The following TEX36 variants were observed in gnomAD, a reference collection of about 807,000 sequenced individuals.
TEX36 encodes the protein testis expressed 36.
In TEX36, 12 loss-of-function variants were observed where a neutral mutation model predicts 13.6. The observed-to-expected ratio is 0.88, with a 90% CI of 0.56 to 1.43. The LOEUF is 1.43. TEX36 is among the 40% of genes most tolerant of loss of function. The probability of loss-of-function intolerance (pLI) is 0.00; values close to 1 mark genes in which losing one functional copy is unlikely to be tolerated. For synonymous variants in TEX36, 93 were observed against 83.0 expected (o/e 1.12, Z -0.65); for missense variants, 224 against 228.3 (o/e 0.98, Z 0.12).
downstream of TEX36, among the ~76,000 whole-genome samples, chr10:125,617,893 G>T (rs1348014192): frequency 6.6e-6 from 1 of 151,718 alleles, no homozygotes; most frequent in Non-Finnish European, 1.5e-5. Context: ...TTCCAACTTG[G>T]TTCCATTCTC....
rs1026952256 is a variant in TEX36, at chr10:125,615,107, G to A, written c.265-38233C>T. Among the ~76,000 whole-genome samples, 43 of 152,272 alleles carry A rather than the reference G, an allele frequency of 2.8e-4. 1 individual carries two copies. The highest frequency in any genetic ancestry group is 1.0e-3 in the African/African-American group (43 of 41,556). On this transcript the variant is annotated intron_variant, in intron 3 of 3. Coordinates refer to the TEX36 transcript ENST00000532135. ...TTGTCTGTTGTTGGTGTATAAGAAT[G>A]CTTGTGATTTTTGTACATTGATTTT...
intron 1 of TEX36, among the ~76,000 whole-genome samples, chr10:125,679,395 T>C (rs1433108321): frequency 6.6e-6 from 1 of 152,088 alleles, no homozygotes; most frequent in Non-Finnish European, 1.5e-5. Flanking sequence ...TGTCAAAAGA[T>C]AGATTTGAAA....
intron 3 of TEX36, among the ~76,000 whole-genome samples, chr10:125,591,624 A>G (rs542320773): frequency 2.0e-5 from 3 of 152,298 alleles, no homozygotes; most frequent in Admixed American, 1.3e-4. Context: ...TCTACACTGA[A>G]TTTACTTGAA....
intron 3 of TEX36, among the ~76,000 whole-genome samples, chr10:125,577,278 C>T (rs1056254416): frequency 1.3e-5 from 2 of 152,156 alleles, no homozygotes; most frequent in African/African-American, 4.8e-5. Context: ...AGGAGGATTG[C>T]TTGAGCCCAG....
In TEX36 at chr10:125,656,031, G is replaced by C; in HGVS notation, c.430C>G (p.Pro144Ala). 1 of 1,551,950 alleles carries C rather than the reference G, an allele frequency of 6.4e-7. No individual in the cohort carries two copies. Among genetic ancestry groups the C allele is most frequent in the African/African-American group, 1.4e-5 (1 of 73,140 alleles). Reference protein sequence around the residue: ...AMVVSSFRRFPRCYKEIWNAF... With the variant: ...AMVVSSFRRFARCYKEIWNAF... ...TTCCATATCTCTTTATAGCATCGTG[G>C]AAAGCGTCTGAAGCTTGAGACCACC... The change falls in exon 4 of 4, where the codon CCA (proline) becomes GCA (alanine). Residue 144 changes from proline (P) to alanine (A), a missense_variant. Physicochemically the swap from Pro to Ala is conservative, Grantham distance 27. Transcript: ENST00000368821.
rs550824508 is a variant in TEX36 at position 125,641,274 on chromosome 10, G to A, written c.265-19629C>T. 1.4e-3 allele frequency among the ~76,000 whole-genome samples: 211 copies of A among 152,312 alleles called. 2 individuals are homozygous for A. Among genetic ancestry groups the A allele is most frequent in the Middle Eastern group, 6.8e-3 (2 of 294 alleles). Reference sequence around the variant, plus strand: ...TACTCTAACAAAAAGAAGGCACAAGGCAACTTTTAAGTCATGGTCCTAAAT... The same window carrying A: ...TACTCTAACAAAAAGAAGGCACAAGACAACTTTTAAGTCATGGTCCTAAAT... On this transcript the variant is annotated intron_variant, in intron 3 of 3. Transcript: ENST00000526819.
intron 1 of TEX36, among the ~76,000 whole-genome samples, chr10:125,664,961 T>A (rs1847100448): frequency 6.6e-6 from 1 of 152,270 alleles, no homozygotes; most frequent in African/African-American, 2.4e-5. Context: ...ATTTATCTGA[T>A]GATCAATGAT....
At chr10:125,674,414 A>G (rs576332476) in intron 1 of TEX36, among the ~76,000 whole-genome samples, 2 of 152,234 alleles carry the variant, frequency 1.3e-5, no homozygotes, top group South Asian at 4.2e-4. Context: ...TCTGAAGCCT[A>G]CCTCTGTGAA....
At chr10:125,587,132 G>A (rs941890861) in intron 3 of TEX36, among the ~76,000 whole-genome samples, 2 of 152,180 alleles carry the variant, frequency 1.3e-5, no homozygotes, top group Non-Finnish European at 2.9e-5. Flanking sequence ...TCACAGAACT[G>A]TGAGCCAATT....
In TEX36 at chr10:125,615,854, A is replaced by G. The variant is rs184988174; in HGVS notation, c.265-38980T>C. Among the ~76,000 whole-genome samples, 202 of 152,296 alleles carry G rather than the reference A, an allele frequency of 1.3e-3. 1 individual carries two copies. The highest frequency in any genetic ancestry group is 4.7e-3 in the African/African-American group (195 of 41,552). ...TATTGATTGGAATAGTTTCAGAAGG[A>G]AAGGTACCAGTTCCCCCTGGTACCT... On this transcript the variant is annotated intron_variant, in intron 3 of 3. Coordinates refer to the TEX36 transcript ENST00000532135.
At chr10:125,635,419 CAA>C (rs1163178877) in intron 3 of TEX36, among the ~76,000 whole-genome samples, 3 of 152,196 alleles carry the variant, frequency 2.0e-5, no homozygotes, top group Admixed American at 6.5e-5. Context: ...CCCAAGGTCA[CAA>C]AGACAGCAAG....
downstream of TEX36, among the ~76,000 whole-genome samples, chr10:125,651,251 A>G (rs541943148): frequency 3.9e-5 from 6 of 152,346 alleles, 1 homozygote; most frequent in African/African-American, 1.4e-4. Flanking sequence ...TCCTCAATAA[A>G]ATGCTGGCAA....
Position 125,648,369 on chromosome 10 carries a change from G to A in TEX36, c.264+12652C>T, listed in dbSNP as rs193149665. Reference sequence around the variant, plus strand: ...CAATATTTGCTGTTCTGCAGCCTCCGCTGGTGATACCCAGGCAAACAGCAT... The same window carrying A: ...CAATATTTGCTGTTCTGCAGCCTCCACTGGTGATACCCAGGCAAACAGCAT... On this transcript the variant is annotated intron_variant, in intron 3 of 3. Transcript: ENST00000526819. 1.5e-3 allele frequency among the ~76,000 whole-genome samples: 221 copies of A among 152,320 alleles called. 1 individual carries two copies. The highest frequency in any genetic ancestry group is 2.7e-3 in the Non-Finnish European group (187 of 68,030).
intron 3 of TEX36, among the ~76,000 whole-genome samples, chr10:125,625,368 G>C (rs1156654780): frequency 6.6e-6 from 1 of 152,226 alleles, no homozygotes; most frequent in Non-Finnish European, 1.5e-5. Flanking sequence ...AGTGTGACAT[G>C]GAAGGCCATT....
intron 3 of TEX36, among the ~76,000 whole-genome samples, chr10:125,647,853 T>C (rs2133581682): frequency 6.6e-6 from 1 of 152,296 alleles, no homozygotes; most frequent in African/African-American, 2.4e-5. Flanking sequence ...ACCAGGAGAT[T>C]ATATCCCGCG....
At chr10:125,656,628 G>A (rs558944232) in intron 3 of TEX36, among the ~76,000 whole-genome samples, 5 of 152,010 alleles carry the variant, frequency 3.3e-5, no homozygotes, top group African/African-American at 1.2e-4. Flanking sequence ...TGCACACTAT[G>A]ACGACTGTCT....
intron 3 of TEX36, among the ~76,000 whole-genome samples, chr10:125,650,420 G>A (rs951036805): frequency 1.3e-5 from 2 of 152,144 alleles, no homozygotes; most frequent in Admixed American, 6.5e-5. Context: ...CGAAATGAAG[G>A]CAGAAATAAA....
intron 3 of TEX36, among the ~76,000 whole-genome samples, chr10:125,585,077 A>G (rs1208237259): frequency 1.3e-5 from 2 of 152,168 alleles, no homozygotes; most frequent in Non-Finnish European, 2.9e-5. Flanking sequence ...CCGGGAAGAG[A>G]CCTTGAGAAG....
At chr10:125,583,106 T>A (rs939232906) in intron 3 of TEX36, among the ~76,000 whole-genome samples, 3 of 152,200 alleles carry the variant, frequency 2.0e-5, no homozygotes, top group African/African-American at 7.2e-5. Context: ...GGGAAATTTA[T>A]TCTTCTAATC....
Sources: allele counts gnomAD v4.1 joint callset (sites outside exome capture counted in the v4.1 genomes callset), GRCh38; gene constraint gnomAD v4.1.1; transcripts MANE v1.5; gene names NCBI Gene and HGNC (gene_info 2026-07-23, HGNC 2026-07-21).